Variants in NXPE2 observed in about 807,000 individuals in gnomAD.
NXPE2 encodes neurexophilin and PC-esterase domain family member 2.
NXPE2 carries 34 observed loss-of-function variants against 34.4 expected under a neutral mutation model. The observed-to-expected ratio is 0.99, with a 90% CI of 0.75 to 1.31. The LOEUF (loss-of-function observed/expected upper bound fraction) is 1.31. NXPE2 is among the 40% of genes most tolerant of loss of function. The probability of loss-of-function intolerance (pLI) is 0.00; values close to 1 mark genes in which losing one functional copy is unlikely to be tolerated. For missense variants in NXPE2, 649 were observed against 672.5 expected, an observed-to-expected ratio of 0.97 and a Z score of 0.39; for synonymous variants, 235 against 231.3, an observed-to-expected ratio of 1.02 and a Z score of -0.15.
the NXPE2 span, among the ~76,000 whole-genome samples, chr11:114,489,283 A>C: frequency 1.5e-4 from 23 of 152,202 alleles, no homozygotes; most frequent in Non-Finnish European, 2.5e-4. Flanking sequence ...CAGAGGTACA[A>C]AGAGGAGCTG....
At chr11:114,750,613 A>G in the NXPE2 span, among the ~76,000 whole-genome samples, 1 of 152,226 alleles carries the variant, frequency 6.6e-6, no homozygotes, top group South Asian at 2.1e-4. Context: ...GTATCTAGCC[A>G]AACATGACAA....
At chr11:114,510,097 A>G in the NXPE2 span, among the ~76,000 whole-genome samples, 1 of 152,262 alleles carries the variant, frequency 6.6e-6, no homozygotes, top group Non-Finnish European at 1.5e-5. Flanking sequence ...AGCAAGTAAT[A>G]GACTTTAAAG....
the NXPE2 span, chr11:114,583,750 T>A: frequency 3.2e-5 from 16 of 499,986 alleles, no homozygotes; most frequent in African/African-American, 1.9e-4. Context: ...TGCTAAAGTA[T>A]CACCAGAGGG....
At chr11:114,639,852 A>T in the NXPE2 span, among the ~76,000 whole-genome samples, 1 of 97,192 alleles carries the variant, frequency 1.0e-5, no homozygotes, top group Non-Finnish European at 1.8e-5. Flanking sequence ...ATAAAATATA[A>T]TATATATTAT....
chr11:114,582,995 G>A, the NXPE2 span: 4 of 1,613,170 alleles, frequency 2.5e-6, no homozygotes, highest in Non-Finnish European at 3.4e-6. Flanking sequence ...AATGGAGGGA[G>A]ATGGATAAGT....
At chr11:114,695,867 A>AC (rs1951242105) in intron 2 of NXPE2, among the ~76,000 whole-genome samples, 6 of 150,048 alleles carry the variant, frequency 4.0e-5, no homozygotes, top group African/African-American at 4.9e-5. Flanking sequence ...ACACACACAC[A>AC]ATTAGCTGGG....
the NXPE2 span, chr11:114,583,102 A>G: frequency 4.1e-5 from 58 of 1,424,700 alleles, no homozygotes; most frequent in Admixed American, 1.1e-4. Flanking sequence ...GTAACATGCT[A>G]TGAAATTAAC....
At chr11:114,810,299 G>A in the NXPE2 span, among the ~76,000 whole-genome samples, 6 of 150,918 alleles carry the variant, frequency 4.0e-5, no homozygotes, top group Non-Finnish European at 8.9e-5. Flanking sequence ...TTCATGTCTA[G>A]AACACCAAAA....
the NXPE2 span, among the ~76,000 whole-genome samples, chr11:114,593,594 C>G: frequency 9.2e-5 from 14 of 152,046 alleles, no homozygotes; most frequent in Admixed American, 9.2e-4. Flanking sequence ...ATTAGTACAA[C>G]CACTATAGAG....
chr11:114,700,214 C>G (rs75616280), intron 3 of NXPE2, among the ~76,000 whole-genome samples: 3 of 152,138 alleles, frequency 2.0e-5, no homozygotes, highest in Non-Finnish European at 4.4e-5. Flanking sequence ...TTGTCTTTTA[C>G]TATTTCCTCC....
At chr11:114,549,056 G>T in the NXPE2 span, among the ~76,000 whole-genome samples, 3 of 151,518 alleles carry the variant, frequency 2.0e-5, no homozygotes, top group African/African-American at 7.3e-5. Flanking sequence ...AGATAAAATG[G>T]ATAACTCAGA....
the NXPE2 span, among the ~76,000 whole-genome samples, chr11:114,532,495 C>A: frequency 3.9e-5 from 6 of 151,958 alleles, no homozygotes; most frequent in Non-Finnish European, 8.8e-5. Context: ...TGATGATAAA[C>A]CTTTTTCTAT....
chr11:114,605,293 A>T, the NXPE2 span, among the ~76,000 whole-genome samples: 2 of 151,148 alleles, frequency 1.3e-5, no homozygotes, highest in Non-Finnish European at 2.9e-5. Context: ...GATAATAAGT[A>T]TTGACTTGTG....
the NXPE2 span, among the ~76,000 whole-genome samples, chr11:114,640,516 C>G: frequency 6.6e-6 from 1 of 151,636 alleles, no homozygotes; most frequent in Non-Finnish European, 1.5e-5. Context: ...AATTATAGTT[C>G]TTTGAGAAAC....
At chr11:114,808,966 C>G in the NXPE2 span, among the ~76,000 whole-genome samples, 322 of 152,290 alleles carry the variant, frequency 2.1e-3, 6 homozygotes, top group Admixed American at 0.019. Context: ...CAAACTGAAT[C>G]CAGCAACACA....
the NXPE2 span, among the ~76,000 whole-genome samples, chr11:114,759,692 C>T: frequency 6.6e-6 from 1 of 152,044 alleles, no homozygotes; most frequent in Non-Finnish European, 1.5e-5. Flanking sequence ...TTTTAAAATC[C>T]TTTAGTCCTT....
At chr11:114,562,378 A>G in the NXPE2 span, among the ~76,000 whole-genome samples, 1 of 152,188 alleles carries the variant, frequency 6.6e-6, no homozygotes. Flanking sequence ...CAGCCCTTGC[A>G]CACATTCTCA....
the NXPE2 span, among the ~76,000 whole-genome samples, chr11:114,469,641 C>G: frequency 3.3e-5 from 5 of 151,566 alleles, no homozygotes; most frequent in East Asian, 1.9e-4. Flanking sequence ...ATGCACCCCC[C>G]CCACCACACC....
chr11:114,469,202 C>T, the NXPE2 span, among the ~76,000 whole-genome samples: 1 of 149,284 alleles, frequency 6.7e-6, no homozygotes, highest in Middle Eastern at 3.5e-3. Context: ...AGCTCCGCCT[C>T]CTGGGTTCAT....
Sources: gnomAD v4.1 joint callset for allele counts (sites outside exome capture counted in the v4.1 genomes callset) on GRCh38, gnomAD v4.1.1 for gene constraint, MANE v1.5 for transcripts, NCBI Gene and HGNC (gene_info 2026-07-23, HGNC 2026-07-21) for gene names.